BACE2: variants seen among roughly 807,000 people sequenced by gnomAD.
BACE2 encodes 56 kDa aspartic-like protease.
Under a neutral mutation model 46.2 loss-of-function variants are expected in BACE2, and 17 were observed. The observed-to-expected ratio is 0.37, with a 90% CI of 0.25 to 0.55. The LOEUF (loss-of-function observed/expected upper bound fraction) is 0.55. Ranked by LOEUF, BACE2 falls within the 20% of genes least tolerant of loss-of-function variation. The probability of loss-of-function intolerance (pLI) is 0.82; values close to 1 mark genes in which losing one functional copy is unlikely to be tolerated. For synonymous variants in BACE2, 277 were observed against 295.9 expected, an observed-to-expected ratio of 0.94 and a Z score of 0.66; for missense variants, 595 against 698.1, an observed-to-expected ratio of 0.85 and a Z score of 1.66.
In BACE2 at chr21:41,279,268, T is replaced by C. The variant is rs1458529612; in HGVS notation, c.*3644T>C. ...AAGAATAAGAATATAATTAAAAGTA[T>C]GCTAACAAAATAAGCAGTACATATT... is the stretch of plus-strand genomic sequence containing the variant. On this transcript the variant is annotated 3_prime_UTR_variant, in exon 9 of 9. Transcript: ENST00000330333. 2 of 152,182 alleles carry C rather than the reference T, an allele frequency of 1.3e-5. No homozygotes were observed. Among genetic ancestry groups the C allele is most frequent in the African/African-American group, 4.8e-5 (2 of 41,436 alleles). The allele number at this position is 152,182 out of a possible 1,614,324, so 9.4% of individuals were successfully genotyped here. A position where few individuals can be genotyped will look rare whatever the true frequency, so the allele number is the denominator to read the frequency against.
rs946162271 is a variant in BACE2 at position 41,281,135 on chromosome 21, C to G, written c.*5511C>G. 4.6e-5 allele frequency: 7 copies of G among 152,234 alleles called. No individual in the cohort carries two copies. Among genetic ancestry groups the G allele is most frequent in the Non-Finnish European group, 1.0e-4 (7 of 68,056 alleles). 9.4% of individuals were successfully genotyped at this position (152,234 alleles called of 1,614,324 possible). A position where few individuals can be genotyped will look rare whatever the true frequency, so the allele number is the denominator to read the frequency against. On this transcript the variant is annotated 3_prime_UTR_variant, in exon 9 of 9. Transcript: ENST00000330333. The stretch of plus-strand genomic sequence containing the variant: ...CTCTCCTCTGGGAATCAGGGCAGCC[C>G]TGAGAAGTGAGCAGTTCCCTTTACA...
intron 1 of BACE2, among the ~76,000 whole-genome samples, chr21:41,202,596 C>A (rs1019680420): frequency 6.6e-6 from 1 of 152,190 alleles, no homozygotes; most frequent in Non-Finnish European, 1.5e-5. Context: ...AGACCCTCAA[C>A]AAATGCTATG....
chr21:41,187,089 A>G (rs1210482583), intron 1 of BACE2, among the ~76,000 whole-genome samples: 2 of 152,210 alleles, frequency 1.3e-5, no homozygotes, highest in African/African-American at 4.8e-5. Context: ...CCTCACCAGG[A>G]GTCGCAGGTA....
chr21:41,180,221 G>A, intron 1 of BACE2: 1 of 204,594 alleles, frequency 4.9e-6, no homozygotes, highest in East Asian at 1.4e-4. Flanking sequence ...ACACAGGTCG[G>A]TGTGTCCTAT....
At chr21:41,232,994 G>A (rs1987008826) in intron 2 of BACE2, among the ~76,000 whole-genome samples, 1 of 150,254 alleles carries the variant, frequency 6.7e-6, no homozygotes, top group South Asian at 2.1e-4. Flanking sequence ...TCAGCCTCCC[G>A]AGTAGCTGGG....
At position 41,197,023 on chromosome 21, in the gene BACE2, A is replaced by G. The variant is rs554648868; in HGVS notation, c.312+28448A>G. ...TGTCACTCAGGCTGAGTGCCATGGC[A>G]CAGTTACTGCTCACCGCAGGTTCAG... On this transcript the variant is annotated intron_variant, in intron 1 of 8. Transcript: ENST00000330333. Among the ~76,000 whole-genome samples, 101 of 152,220 alleles carry G rather than the reference A, an allele frequency of 6.6e-4. 8 individuals are homozygous for G. The South Asian group carries it at 0.016, about 25-fold the overall frequency.
chr21:41,178,848 A>G (rs553521779), intron 1 of BACE2: 43 of 245,468 alleles, frequency 1.8e-4, no homozygotes, highest in African/African-American at 9.4e-4. Flanking sequence ...CTTATAAGGA[A>G]GACAGATTGT....
At position 41,270,420 on chromosome 21, in the gene BACE2, T is replaced by TTA. The variant is rs34544853; in HGVS notation, c.1304-4940_1304-4939dup. Reference sequence around the variant, plus strand: ...CGCCTAACCCCAGGACACAAAGATTTTATATATATATAATGGAGATGGGGT... The same window carrying TTA: ...CGCCTAACCCCAGGACACAAAGATTTTATATATATATATAATGGAGATGGGGT... On this transcript the variant is annotated intron_variant, in intron 8 of 8. Transcript: ENST00000330333. 4.8e-3 allele frequency among the ~76,000 whole-genome samples: 730 copies of TTA among 152,124 alleles called. 5 individuals carry two copies. The highest frequency in any genetic ancestry group is 0.017 in the African/African-American group (687 of 41,500).
At chr21:41,230,832 GA>G (rs1400552011) in intron 2 of BACE2, among the ~76,000 whole-genome samples, 1 of 151,704 alleles carries the variant, frequency 6.6e-6, no homozygotes, top group Non-Finnish European at 1.5e-5. Flanking sequence ...AGCAAAAAAA[GA>G]AAAAAAGAAA....
intron 6 of BACE2, among the ~76,000 whole-genome samples, chr21:41,250,134 G>A (rs1480494039): frequency 1.3e-5 from 2 of 152,208 alleles, no homozygotes; most frequent in Admixed American, 6.5e-5. Flanking sequence ...ACTGCCACAA[G>A]GAGAAAGGCC....
rs192173989 is a variant in BACE2, at chr21:41,244,603, C to T, written c.882+1093C>T. 1.4e-4 allele frequency among the ~76,000 whole-genome samples: 21 copies of T among 146,204 alleles called. No homozygotes were observed. In the East Asian group the frequency reaches 2.9e-3, roughly 20 times the overall value. On this transcript the variant is annotated intron_variant, in intron 5 of 8. Transcript: ENST00000330333. Reference sequence around the variant, plus strand: ...GAATGTCATCAGTTAAGGCAGGAACCGGCCATTTTCACTTCTTTTGTGATT... The same window carrying T: ...GAATGTCATCAGTTAAGGCAGGAACTGGCCATTTTCACTTCTTTTGTGATT...
chr21:41,199,435 G>A (rs1446614147), intron 1 of BACE2, among the ~76,000 whole-genome samples: 1 of 152,134 alleles, frequency 6.6e-6, no homozygotes, highest in African/African-American at 2.4e-5. Context: ...GCTGCAGGGG[G>A]TGGCAGTGGG....
At chr21:41,203,040 A>C (rs1986009386) in intron 1 of BACE2, among the ~76,000 whole-genome samples, 1 of 152,194 alleles carries the variant, frequency 6.6e-6, no homozygotes, top group South Asian at 2.1e-4. Context: ...TTTCATGGAC[A>C]CGTGATACTT....
intron 1 of BACE2, among the ~76,000 whole-genome samples, chr21:41,220,724 A>G (rs1986615578): frequency 6.6e-6 from 1 of 150,594 alleles, no homozygotes; most frequent in African/African-American, 2.4e-5. Flanking sequence ...ATATGTAAAT[A>G]TATTTTTATA....
At chr21:41,215,014 C>A (rs1157727923) in intron 1 of BACE2, among the ~76,000 whole-genome samples, 4 of 152,184 alleles carry the variant, frequency 2.6e-5, no homozygotes, top group Non-Finnish European at 5.9e-5. Flanking sequence ...GGCCTGGTCA[C>A]TTGCGGCCAG....
chr21:41,242,514 G>A (rs1013137064), intron 4 of BACE2, among the ~76,000 whole-genome samples: 2 of 152,148 alleles, frequency 1.3e-5, no homozygotes, highest in African/African-American at 4.8e-5. Flanking sequence ...TGCACTAGAA[G>A]GGGGTGCTGC....
chr21:41,191,408 G>A (rs995275981), intron 1 of BACE2, among the ~76,000 whole-genome samples: 2 of 152,214 alleles, frequency 1.3e-5, no homozygotes, highest in African/African-American at 4.8e-5. Context: ...GGTGGATAAT[G>A]TATTCCGTGA....
Position 41,206,192 on chromosome 21 carries a change from T to C in BACE2, c.313-20074T>C, listed in dbSNP as rs373013911. Reference sequence around the variant, plus strand: ...GAAACCCAAGGTCCAGGTGCCAGCATGGTCAGGGTCCAACGAGGGCCACCT... The same window carrying C: ...GAAACCCAAGGTCCAGGTGCCAGCACGGTCAGGGTCCAACGAGGGCCACCT... On this transcript the variant is annotated intron_variant, in intron 1 of 8. Transcript: ENST00000330333. Among the ~76,000 whole-genome samples the C allele has an allele frequency of 2.4e-4, 37 of 152,322 alleles. No individual in the cohort carries two copies. The South Asian group carries it at 6.6e-3, about 27-fold the overall frequency.
chr21:41,172,973 A>G (rs1186249849), intron 1 of BACE2, among the ~76,000 whole-genome samples: 8 of 151,948 alleles, frequency 5.3e-5, no homozygotes, highest in East Asian at 3.9e-4. Flanking sequence ...CATGACTCCA[A>G]TCTCTCCCCT....
Sources: gnomAD v4.1 joint callset for allele counts (sites outside exome capture counted in the v4.1 genomes callset) on GRCh38, gnomAD v4.1.1 for gene constraint, MANE v1.5 for transcripts, NCBI Gene and HGNC (gene_info 2026-07-23, HGNC 2026-07-21) for gene names.